NALF1: variants seen among roughly 807,000 people sequenced by gnomAD.
The protein encoded by NALF1 is NALCN channel auxiliary factor 1.
Under a neutral mutation model 48.4 loss-of-function variants are expected in NALF1, and 3 were observed. The observed-to-expected ratio is 0.06, with a 90% CI of 0.03 to 0.16. NALF1 has a LOEUF of 0.16. Among genes scored for constraint, NALF1 ranks in the 10% least tolerant of loss-of-function variants. The pLI, the probability that NALF1 is intolerant of heterozygous loss-of-function variation, is 1.00. For synonymous variants in NALF1, 262 were observed against 245.7 expected, an observed-to-expected ratio of 1.07 and a Z score of -0.62; for missense variants, 526 against 571.5, an observed-to-expected ratio of 0.92 and a Z score of 0.81.
intron 1 of NALF1, among the ~76,000 whole-genome samples, chr13:107,493,758 G>A (rs1195950637): frequency 6.6e-6 from 1 of 152,058 alleles, no homozygotes; most frequent in Non-Finnish European, 1.5e-5. Flanking sequence ...GCGTGGTGGT[G>A]CATACCTGCA....
intron 1 of NALF1, among the ~76,000 whole-genome samples, chr13:107,320,362 C>T (rs1226616830): frequency 1.3e-5 from 2 of 152,070 alleles, no homozygotes; most frequent in African/African-American, 2.4e-5. Context: ...AGACAAAAAA[C>T]TTAACCAACA....
chr13:107,635,215 C>T (rs1473642692), intron 1 of NALF1, among the ~76,000 whole-genome samples: 1 of 152,002 alleles, frequency 6.6e-6, no homozygotes, highest in African/African-American at 2.4e-5. Context: ...TGAAGACATA[C>T]CTGAGACTGG....
At chr13:107,380,760 C>T (rs1883421215) in intron 1 of NALF1, among the ~76,000 whole-genome samples, 1 of 151,838 alleles carries the variant, frequency 6.6e-6, no homozygotes, top group South Asian at 2.1e-4. Context: ...GGGCGGATCA[C>T]GAGGTCAGGA....
chr13:107,219,203 C>T (rs1482216844), intron 1 of NALF1, among the ~76,000 whole-genome samples: 1 of 152,002 alleles, frequency 6.6e-6, no homozygotes, highest in African/African-American at 2.4e-5. Context: ...GGAATGGGCC[C>T]GTAGTAAATG....
At chr13:107,573,748 T>C (rs9587403) in intron 1 of NALF1, among the ~76,000 whole-genome samples, 27,320 of 152,134 alleles carry the variant, frequency 0.18, 3,045 homozygotes, top group Middle Eastern at 0.29. Flanking sequence ...GTAATCATGA[T>C]AGTGAGTCTG....
At chr13:107,310,076 T>A (rs1882015258) in intron 1 of NALF1, among the ~76,000 whole-genome samples, 1 of 152,130 alleles carries the variant, frequency 6.6e-6, no homozygotes. Context: ...TGTGTGTGTG[T>A]GTGTTTAGCT....
chr13:107,213,532 G>A (rs948829741), intron 1 of NALF1, among the ~76,000 whole-genome samples: 2 of 152,114 alleles, frequency 1.3e-5, no homozygotes, highest in Non-Finnish European at 2.9e-5. Context: ...AAACAAGTGG[G>A]GGAAACCATG....
chr13:107,676,789 T>C (rs4772903), intron 1 of NALF1, among the ~76,000 whole-genome samples: 80,237 of 151,900 alleles, frequency 0.53, 21,586 homozygotes, highest in Middle Eastern at 0.66. Flanking sequence ...TGGTATAAAA[T>C]AGTACTTATG....
chr13:107,189,664 G>C (rs2769901), intron 2 of NALF1, among the ~76,000 whole-genome samples: 1 of 152,088 alleles, frequency 6.6e-6, no homozygotes, highest in Non-Finnish European at 1.5e-5. Flanking sequence ...CAGGGACTCC[G>C]AGTGGAGACT....
chr13:107,536,952 C>A lies in NALF1; in HGVS notation c.916-326197G>T, dbSNP rs1377760722. Among the ~76,000 whole-genome samples, 6 of 152,192 alleles carry A rather than the reference C, an allele frequency of 3.9e-5. No individual in the cohort carries two copies. In the South Asian group the frequency reaches 8.3e-4, roughly 21 times the overall value. On this transcript the variant is annotated intron_variant, in intron 1 of 2. Transcript: ENST00000375915. ...GTAGGGACATGGATGAAGCTGGAAACCATCATTCTCAGCAAACTATCACAG... is the reference window on the plus strand; with the variant it reads ...GTAGGGACATGGATGAAGCTGGAAAACATCATTCTCAGCAAACTATCACAG...
At chr13:107,476,932 A>G (rs924612873) in intron 1 of NALF1, among the ~76,000 whole-genome samples, 17 of 152,244 alleles carry the variant, frequency 1.1e-4, no homozygotes, top group Admixed American at 6.5e-4. Flanking sequence ...TAAAATGGAC[A>G]ATATTTTTTT....
chr13:107,183,046 G>A (rs191412425), intron 2 of NALF1, among the ~76,000 whole-genome samples: 33 of 152,298 alleles, frequency 2.2e-4, no homozygotes, highest in African/African-American at 7.5e-4. Flanking sequence ...CTCCACCTCG[G>A]TGGAGAGGTG....
At chr13:107,390,707 T>C (rs1883611393) in intron 1 of NALF1, among the ~76,000 whole-genome samples, 1 of 152,064 alleles carries the variant, frequency 6.6e-6, no homozygotes. Flanking sequence ...GACAATGCTG[T>C]CATTTCACAG....
chr13:107,197,856 G>C (rs1456264788), intron 2 of NALF1, among the ~76,000 whole-genome samples: 1 of 152,080 alleles, frequency 6.6e-6, no homozygotes, highest in Admixed American at 6.6e-5. Flanking sequence ...ATCCCTTTGT[G>C]GAAATAATGA....
At chr13:107,661,996 C>T (rs1350586301) in intron 1 of NALF1, among the ~76,000 whole-genome samples, 4 of 152,146 alleles carry the variant, frequency 2.6e-5, no homozygotes, top group Admixed American at 2.6e-4. Flanking sequence ...TTAACACTTA[C>T]TTCTGCTCCA....
In NALF1 at chr13:107,318,392, C is replaced by T. The variant is rs181691469; in HGVS notation, c.916-107637G>A. Reference sequence around the variant, plus strand: ...CTTTAAGTTACTGAGTTATTGAATGCTTGCAAATTGCAAAAAACTGTAATT... The same window carrying T: ...CTTTAAGTTACTGAGTTATTGAATGTTTGCAAATTGCAAAAAACTGTAATT... On this transcript the variant is annotated intron_variant, in intron 1 of 2. Transcript: ENST00000375915. 4.6e-5 allele frequency among the ~76,000 whole-genome samples: 7 copies of T among 152,202 alleles called. No homozygotes were observed. In the East Asian group the frequency reaches 1.4e-3, roughly 29 times the overall value.
At chr13:107,492,033 T>G (rs1875147343) in intron 1 of NALF1, among the ~76,000 whole-genome samples, 1 of 90,896 alleles carries the variant, frequency 1.1e-5, no homozygotes, top group African/African-American at 6.1e-5. Context: ...CCTGTCTGGG[T>G]TTTTTTTTGT....
chr13:107,414,214 A>T (rs889396083), intron 1 of NALF1, among the ~76,000 whole-genome samples: 1 of 152,092 alleles, frequency 6.6e-6, no homozygotes, highest in Non-Finnish European at 1.5e-5. Flanking sequence ...ACATATATAT[A>T]TAGAACTTTT....
chr13:107,210,452 T>C, intron 2 of NALF1, 132 bp downstream of exon 2: 1 of 653,782 alleles, frequency 1.5e-6, no homozygotes, highest in Non-Finnish European at 2.7e-6. Context: ...CTTCTATTAG[T>C]GAAAGTGCGG....
Sources: gnomAD v4.1 joint callset for allele counts (sites outside exome capture counted in the v4.1 genomes callset) on GRCh38, gnomAD v4.1.1 for gene constraint, MANE v1.5 for transcripts, NCBI Gene and HGNC (gene_info 2026-07-23, HGNC 2026-07-21) for gene names.